The following ST6GALNAC3 variants were observed in gnomAD, a reference collection of about 807,000 sequenced individuals.
ST6GALNAC3 encodes the protein alpha-N-acetylgalactosaminide alpha-2,6-sialyltransferase 3.
A neutral mutation model predicts 32.7 loss-of-function variants in ST6GALNAC3; 25 were observed. The observed-to-expected ratio is 0.76, with a 90% CI of 0.56 to 1.07. The LOEUF is 1.07. ST6GALNAC3 is among the 50% of genes least tolerant of loss of function. The pLI, the probability that ST6GALNAC3 is intolerant of heterozygous loss-of-function variation, is 0.00. For synonymous variants in ST6GALNAC3, 129 were observed against 133.1 expected (o/e 0.97, Z 0.21); for missense variants, 355 against 382.4 (o/e 0.93, Z 0.60).
chr1:76,399,352 TTG>T (rs1475038907), intron 2 of ST6GALNAC3, among the ~76,000 whole-genome samples: 6 of 152,334 alleles, frequency 3.9e-5, no homozygotes, highest in African/African-American at 1.4e-4. Flanking sequence ...GAACTGAAAT[TTG>T]TGTATAAGTA....
At chr1:76,556,211 T>G (rs1664913671) in intron 3 of ST6GALNAC3, among the ~76,000 whole-genome samples, 1 of 152,260 alleles carries the variant, frequency 6.6e-6, no homozygotes, top group African/African-American at 2.4e-5. Flanking sequence ...CTGTACTTCA[T>G]GATTTTTATG....
In ST6GALNAC3 at chr1:76,330,984, G is replaced by A. The variant is rs572616156; in HGVS notation, c.213+16985G>A. Among the ~76,000 whole-genome samples the A allele has an allele frequency of 2.0e-5, 3 of 152,302 alleles. No individual in the cohort carries two copies. In the South Asian group the frequency reaches 6.2e-4, roughly 32 times the overall value. The stretch of plus-strand genomic sequence containing the variant: ...ATAGAGGCAAGAATGTCTGGGAAAT[G>A]TAGGTGTTAGATTGCCAGCCTCTGC... On this transcript the variant is annotated intron_variant, in intron 2 of 4. Transcript: ENST00000328299.
At chr1:76,275,213 A>G (rs1307974293) in intron 1 of ST6GALNAC3, among the ~76,000 whole-genome samples, 1 of 152,236 alleles carries the variant, frequency 6.6e-6, no homozygotes, top group African/African-American at 2.4e-5. Flanking sequence ...GTTGTAGCAC[A>G]CAACATTTAA....
chr1:76,089,476 T>C (rs1406088266), intron 1 of ST6GALNAC3, among the ~76,000 whole-genome samples: 4 of 152,210 alleles, frequency 2.6e-5, no homozygotes, highest in Non-Finnish European at 5.9e-5. Context: ...CAAACAGAAC[T>C]TTAAAAGTTA....
intron 1 of ST6GALNAC3, among the ~76,000 whole-genome samples, chr1:76,226,895 T>C (rs987921220): frequency 9.2e-5 from 14 of 152,162 alleles, no homozygotes; most frequent in African/African-American, 3.1e-4. Context: ...GGGACACTGA[T>C]TGAAACTTTA....
chr1:76,200,842 C>T (rs543322833), intron 1 of ST6GALNAC3, among the ~76,000 whole-genome samples: 5 of 152,194 alleles, frequency 3.3e-5, no homozygotes, highest in African/African-American at 9.6e-5. Context: ...AAAGAGACTA[C>T]AATCTCTCAG....
intron 1 of ST6GALNAC3, among the ~76,000 whole-genome samples, chr1:76,160,240 A>G (rs1001468188): frequency 6.6e-6 from 1 of 152,154 alleles, no homozygotes; most frequent in Non-Finnish European, 1.5e-5. Context: ...GTGGTTGGCT[A>G]TTACACTTAA....
chr1:76,340,013 G>T (rs2100987803), intron 2 of ST6GALNAC3, among the ~76,000 whole-genome samples: 1 of 152,292 alleles, frequency 6.6e-6, no homozygotes, highest in South Asian at 2.1e-4. Flanking sequence ...TGAGCTAGGA[G>T]CTTGATTCTG....
chr1:76,268,657 A>T (rs1023716636), intron 1 of ST6GALNAC3, among the ~76,000 whole-genome samples: 17 of 152,276 alleles, frequency 1.1e-4, no homozygotes, highest in Non-Finnish European at 4.4e-5. Context: ...ACAGTTTGAC[A>T]GCAACCCAAA....
At chr1:76,247,353 A>C (rs1657325221) in intron 1 of ST6GALNAC3, among the ~76,000 whole-genome samples, 1 of 152,150 alleles carries the variant, frequency 6.6e-6, no homozygotes, top group African/African-American at 2.4e-5. Flanking sequence ...CCTCCTTGTC[A>C]GGATCAGCTG....
chr1:76,158,132 C>T (rs538458757), intron 1 of ST6GALNAC3, among the ~76,000 whole-genome samples: 392 of 152,332 alleles, frequency 2.6e-3, no homozygotes, highest in Middle Eastern at 3.4e-3. Flanking sequence ...TCATTACCTT[C>T]GGAGGCCATC....
intron 1 of ST6GALNAC3, among the ~76,000 whole-genome samples, chr1:76,193,713 C>T (rs191785040): frequency 1.0e-3 from 153 of 152,190 alleles, no homozygotes; most frequent in Non-Finnish European, 1.9e-3. Context: ...CTTAAGTTGC[C>T]ATAACAAAAT....
chr1:76,316,513 C>T lies in ST6GALNAC3; in HGVS notation c.213+2514C>T, dbSNP rs188737415. On this transcript the variant is annotated intron_variant, in intron 2 of 4. Coordinates refer to ENST00000328299, the MANE Select transcript of ST6GALNAC3 (RefSeq NM_152996.4). ...TAAAGCAAAGTACACAATGTGATTC[C>T]GTTTATGGGTCACAAGAAGAGACTA... Among the ~76,000 whole-genome samples, 14 of 152,004 alleles carry T rather than the reference C, an allele frequency of 9.2e-5. No homozygotes were observed. The East Asian group carries it at 1.7e-3, about 19-fold the overall frequency.
Position 76,258,711 on chromosome 1 carries a change from C to T in ST6GALNAC3, c.19-55094C>T, listed in dbSNP as rs796734766. 1.2e-4 allele frequency among the ~76,000 whole-genome samples: 18 copies of T among 152,278 alleles called. 1 individual carries two copies. Among genetic ancestry groups the T allele is most frequent in the African/African-American group, 4.3e-4 (18 of 41,562 alleles). ...GGTACCCCGGCATTGTAAGATGTGA[C>T]TGCAGCCCTCAAGGGGTTTGCAGTC... On this transcript the variant is annotated intron_variant, in intron 1 of 4. Coordinates refer to ENST00000328299, the MANE Select transcript of ST6GALNAC3 (RefSeq NM_152996.4).
At chr1:76,196,252 A>G (rs914400660) in intron 1 of ST6GALNAC3, among the ~76,000 whole-genome samples, 1 of 152,150 alleles carries the variant, frequency 6.6e-6, no homozygotes, top group South Asian at 2.1e-4. Context: ...GATTGTTAAA[A>G]TACGGATTGC....
chr1:76,590,209 T>G (rs1647026384), intron 3 of ST6GALNAC3, among the ~76,000 whole-genome samples: 1 of 152,320 alleles, frequency 6.6e-6, no homozygotes, highest in South Asian at 2.1e-4. Flanking sequence ...ACTGAGGTTC[T>G]GAGCAGCTGC....
Position 76,630,174 on chromosome 1 carries a change from A to G in ST6GALNAC3, c.*1368A>G, listed in dbSNP as rs907818735. The G allele has an allele frequency of 2.0e-6, 2 of 985,134 alleles. No homozygotes were observed. The highest frequency in any genetic ancestry group is 1.2e-4 in the Admixed American group (2 of 16,220). 61.0% of individuals were successfully genotyped at this position (985,134 alleles called of 1,614,324 possible). Reference sequence around the variant, plus strand: ...TTGCTCTACTTGCTAATATTTGTATAGAATAGAATTTATGTAAACTAGTAA... The same window carrying G: ...TTGCTCTACTTGCTAATATTTGTATGGAATAGAATTTATGTAAACTAGTAA... On this transcript the variant is annotated 3_prime_UTR_variant, in exon 5 of 5. Transcript: ENST00000328299.
intron 3 of ST6GALNAC3, among the ~76,000 whole-genome samples, chr1:76,510,206 A>G (rs974456131): frequency 2.0e-5 from 3 of 152,198 alleles, no homozygotes; most frequent in African/African-American, 7.2e-5. Flanking sequence ...TAGGTAGGAC[A>G]TGATTTAACC....
chr1:76,436,690 C>A (rs1197898791), intron 3 of ST6GALNAC3, among the ~76,000 whole-genome samples: 3 of 152,080 alleles, frequency 2.0e-5, no homozygotes, highest in Admixed American at 1.3e-4. Flanking sequence ...TTAATTCTTA[C>A]AATAATTTTT....
Sources: allele counts gnomAD v4.1 joint callset (sites outside exome capture counted in the v4.1 genomes callset), GRCh38; gene constraint gnomAD v4.1.1; transcripts MANE v1.5; gene names NCBI Gene and HGNC (gene_info 2026-07-23, HGNC 2026-07-21).